The following RNF169 variants were observed in gnomAD, a reference collection of about 807,000 sequenced individuals.
The protein encoded by RNF169 is E3 ubiquitin-protein ligase RNF169.
In RNF169, 24 loss-of-function variants were observed where a neutral mutation model predicts 53.9. The observed-to-expected ratio is 0.45, with a 90% CI of 0.32 to 0.63. RNF169 has a LOEUF of 0.63. RNF169 is among the 20% of genes least tolerant of loss of function. RNF169 has a pLI of 0.04. For missense variants in RNF169, 883 were observed against 906.2 expected, an observed-to-expected ratio of 0.97 and a Z score of 0.33; for synonymous variants, 396 against 363.5, an observed-to-expected ratio of 1.09 and a Z score of -1.02.
In RNF169 at chr11:74,840,424, T is replaced by G. The variant is rs1565192235; in HGVS notation, c.*3694T>G. ...GATTGCACCACCGCTTTTCCTTTACTAAGTAATGTTATGGAAGGAGAATGA... is the reference window on the plus strand; with the variant it reads ...GATTGCACCACCGCTTTTCCTTTACGAAGTAATGTTATGGAAGGAGAATGA... On this transcript the variant is annotated 3_prime_UTR_variant, in exon 6 of 6. Coordinates refer to ENST00000299563, the MANE Select transcript of RNF169 (RefSeq NM_001098638.2). 6.6e-6 allele frequency: 1 copy of G among 152,232 alleles called. No homozygotes were observed. Among genetic ancestry groups the G allele is most frequent in the African/African-American group, 2.4e-5 (1 of 41,464 alleles). 9.4% of individuals were successfully genotyped at this position (152,232 alleles called of 1,614,324 possible).
intron 4 of RNF169, among the ~76,000 whole-genome samples, chr11:74,822,065 T>A (rs2036020298): frequency 6.7e-6 from 1 of 149,804 alleles, no homozygotes; most frequent in Admixed American, 6.6e-5. Context: ...TGTGACAGGA[T>A]GGAGAGGGTG....
intron 1 of RNF169, among the ~76,000 whole-genome samples, chr11:74,761,949 C>T (rs1327592965): frequency 3.0e-4 from 45 of 149,436 alleles, no homozygotes; most frequent in South Asian, 2.0e-3. Flanking sequence ...ACCAATCAGA[C>T]GTAGATTTGG....
In RNF169 at chr11:74,749,066, G is replaced by T; in HGVS notation, c.186G>T (p.Arg62=). The T allele has an allele frequency of 1.4e-6, 2 of 1,466,638 alleles. No homozygotes were observed. Among genetic ancestry groups the T allele is most frequent in the Non-Finnish European group, 9.0e-7 (1 of 1,108,222 alleles). 90.9% of individuals were successfully genotyped at this position (1,466,638 alleles called of 1,614,324 possible). ...PPLLQPPLPP[R]PEESGCAGCL... is the part of the protein sequence containing the mutation. ...TGCTGCAGCCGCCGCTGCCGCCGCGGCCGGAGGAATCGGGCTGCGCCGGGT... is the reference window on the plus strand; with the variant it reads ...TGCTGCAGCCGCCGCTGCCGCCGCGTCCGGAGGAATCGGGCTGCGCCGGGT... The change falls in exon 1 of 6, where the codon CGG becomes CGT. Residue 62 remains arginine, a synonymous_variant. Transcript: ENST00000299563.
intron 2 of RNF169, among the ~76,000 whole-genome samples, chr11:74,795,747 C>T (rs772247864): frequency 6.6e-6 from 1 of 151,862 alleles, no homozygotes; most frequent in Non-Finnish European, 1.5e-5. Context: ...GTCCTAGCTA[C>T]TCGGGAGGCT....
chr11:74,816,612 T>C (rs1046272342), intron 3 of RNF169, among the ~76,000 whole-genome samples: 1 of 152,180 alleles, frequency 6.6e-6, no homozygotes, highest in African/African-American at 2.4e-5. Context: ...AAAGTGATAT[T>C]TTAGATGACT....
At chr11:74,829,817 G>A (rs1280454609) in intron 4 of RNF169, among the ~76,000 whole-genome samples, 1 of 152,102 alleles carries the variant, frequency 6.6e-6, no homozygotes. Context: ...ACACATGTGG[G>A]GAAACTGGGG....
chr11:74,804,597 T>C (rs1473298788), intron 2 of RNF169, among the ~76,000 whole-genome samples: 1 of 152,256 alleles, frequency 6.6e-6, no homozygotes, highest in Non-Finnish European at 1.5e-5. Context: ...TTTATCTTTC[T>C]TAAATGTATG....
At chr11:74,820,131 A>G (rs550056) in intron 4 of RNF169, among the ~76,000 whole-genome samples, 146,247 of 152,214 alleles carry the variant, frequency 0.96, 70,311 homozygotes, top group East Asian at 1. Flanking sequence ...ATGAAATACA[A>G]AAGCATTCAG....
intron 1 of RNF169, among the ~76,000 whole-genome samples, chr11:74,750,126 A>C (rs2034863998): frequency 6.6e-6 from 1 of 151,966 alleles, no homozygotes; most frequent in Admixed American, 6.6e-5. Context: ...GGCAATTAAA[A>C]GTCTGTTGTA....
intron 4 of RNF169, chr11:74,832,617 C>T (rs1369280424): frequency 6.6e-6 from 1 of 152,162 alleles, no homozygotes; most frequent in Admixed American, 6.5e-5. Context: ...TCCCAGGCAA[C>T]TATCGGTGAA....
chr11:74,802,913 C>T lies in RNF169; in HGVS notation c.577-7271C>T, dbSNP rs897786607. ...GGATTTGAAAACAAGTAATTGAACA[C>T]AAGTAATTTTTTTTGGGGGGGGGTG... is the stretch of plus-strand genomic sequence containing the variant. On this transcript the variant is annotated intron_variant, in intron 2 of 5. Coordinates refer to ENST00000299563, the MANE Select transcript of RNF169 (RefSeq NM_001098638.2). Among the ~76,000 whole-genome samples, 15 of 139,750 alleles carry T rather than the reference C, an allele frequency of 1.1e-4. 1 individual carries two copies. The highest frequency in any genetic ancestry group is 3.8e-4 in the African/African-American group (14 of 37,002). 91.7% of individuals were successfully genotyped at this position (139,750 alleles called of 152,430 possible).
chr11:74,753,064 G>C (rs1249271280), intron 1 of RNF169, among the ~76,000 whole-genome samples: 1 of 152,174 alleles, frequency 6.6e-6, no homozygotes, highest in Non-Finnish European at 1.5e-5. Flanking sequence ...CGCCTCACCG[G>C]TTCAAGCGAT....
chr11:74,804,963 T>C lies in RNF169; in HGVS notation c.577-5221T>C, dbSNP rs150933057. ...GTAGGAGTATAAAATATAACCACCA[T>C]TGGAAACCTTTTGGCTGTTGTTCTA... On this transcript the variant is annotated intron_variant, in intron 2 of 5. Transcript: ENST00000299563. Among the ~76,000 whole-genome samples, 416 of 152,328 alleles carry C rather than the reference T, an allele frequency of 2.7e-3. 2 individuals are homozygous for C. Among genetic ancestry groups the C allele is most frequent in the African/African-American group, 9.8e-3 (406 of 41,570 alleles).
Position 74,836,758 on chromosome 11 carries a change from A to T in RNF169, c.*28A>T. ...CCTAATGAAGTGTTACCTATTTTTA[A>T]AAGGTCTTAGGCCTTGATCATTTAT... On this transcript the variant is annotated 3_prime_UTR_variant, in exon 6 of 6. Coordinates refer to ENST00000299563, the MANE Select transcript of RNF169 (RefSeq NM_001098638.2). 6.5e-7 allele frequency: 1 copy of T among 1,545,498 alleles called. No individual in the cohort carries two copies. Among genetic ancestry groups the T allele is most frequent in the Non-Finnish European group, 8.8e-7 (1 of 1,139,070 alleles).
intron 1 of RNF169, among the ~76,000 whole-genome samples, chr11:74,759,873 T>C (rs2035051168): frequency 6.6e-6 from 1 of 152,072 alleles, no homozygotes; most frequent in Admixed American, 6.5e-5. Flanking sequence ...TGGAATAGTT[T>C]CAGAAGGAAT....
rs542692609 is a variant in RNF169, at chr11:74,777,374, G to A, written c.503-12252G>A. 2.6e-5 allele frequency among the ~76,000 whole-genome samples: 4 copies of A among 152,292 alleles called. No individual in the cohort carries two copies. In the South Asian group the frequency reaches 8.3e-4, roughly 32 times the overall value. ...ATTTTGTATCATGGTGGTGGTAGAT[G>A]TGGTAGTGAGGACAACCACATGGGC... is the stretch of plus-strand genomic sequence containing the variant. On this transcript the variant is annotated intron_variant, in intron 1 of 5. Coordinates refer to ENST00000299563, the MANE Select transcript of RNF169 (RefSeq NM_001098638.2).
intron 3 of RNF169, among the ~76,000 whole-genome samples, chr11:74,811,879 G>A (rs2035880737): frequency 6.6e-6 from 1 of 152,162 alleles, no homozygotes; most frequent in African/African-American, 2.4e-5. Context: ...ATGACTAGTA[G>A]CTCCAGCTGT....
In RNF169 at chr11:74,836,894, T is replaced by G; in HGVS notation, c.*164T>G. The G allele has an allele frequency of 3.3e-6, 2 of 601,800 alleles. No individual in the cohort carries two copies. The highest frequency in any genetic ancestry group is 5.7e-6 in the Non-Finnish European group (2 of 353,544). 37.3% of individuals were successfully genotyped at this position (601,800 alleles called of 1,614,324 possible). A position where few individuals can be genotyped will look rare whatever the true frequency, so the allele number is the denominator to read the frequency against. ...GTAGTCAATATCCAAGGGAAAAGCA[T>G]CTCCGTTTCTCTGTGACCCAGGCCA... On this transcript the variant is annotated 3_prime_UTR_variant, in exon 6 of 6. Coordinates refer to ENST00000299563, the MANE Select transcript of RNF169 (RefSeq NM_001098638.2).
chr11:74,778,067 C>T (rs531268898), intron 1 of RNF169, among the ~76,000 whole-genome samples: 67 of 152,264 alleles, frequency 4.4e-4, no homozygotes, highest in African/African-American at 1.6e-3. Flanking sequence ...GGATTCTTAA[C>T]TGCAGTGTGT....
Sources: allele counts gnomAD v4.1 joint callset (sites outside exome capture counted in the v4.1 genomes callset), GRCh38; gene constraint gnomAD v4.1.1; transcripts MANE v1.5; gene names NCBI Gene and HGNC (gene_info 2026-07-23, HGNC 2026-07-21).